The following ROBO1 variants were observed in gnomAD, a reference collection of about 807,000 sequenced individuals.
ROBO1 encodes the protein roundabout homolog 1.
In ROBO1, 149 loss-of-function variants were observed where a neutral mutation model predicts 195.9. The ratio of observed to expected loss-of-function variants is 0.76; its 90% confidence interval spans 0.67 to 0.87. ROBO1 has a LOEUF of 0.87. ROBO1 is among the 40% of genes least tolerant of loss of function. The pLI is 0.00. For missense variants in ROBO1, 1,933 were observed against 2,068.3 expected, an observed-to-expected ratio of 0.93 and a Z score of 1.27; for synonymous variants, 816 against 733.2, an observed-to-expected ratio of 1.11 and a Z score of -1.82.
intron 2 of ROBO1, among the ~76,000 whole-genome samples, chr3:79,536,707 G>C (rs140017490): frequency 1.3e-5 from 2 of 152,102 alleles, no homozygotes; most frequent in East Asian, 3.9e-4. Context: ...TTTCTCAGTT[G>C]CTGCAAATAA....
chr3:78,798,566 T>C (rs1322210004), intron 4 of ROBO1, among the ~76,000 whole-genome samples: 1 of 152,220 alleles, frequency 6.6e-6, no homozygotes, highest in Non-Finnish European at 1.5e-5. Context: ...TGCACACACA[T>C]CTTTTTATTA....
intron 4 of ROBO1, 113 bp from the exon 5 acceptor site, chr3:78,747,013 T>G: frequency 6.5e-5 from 38 of 580,342 alleles, no homozygotes; most frequent in Non-Finnish European, 8.9e-5. Flanking sequence ...CTAATAGCTC[T>G]TGCAATACAG....
chr3:78,665,215 A>G (rs1311924370), intron 14 of ROBO1, among the ~76,000 whole-genome samples: 1 of 152,216 alleles, frequency 6.6e-6, no homozygotes, highest in Non-Finnish European at 1.5e-5. Flanking sequence ...TGAACTGAAT[A>G]GTTCTAAGTA....
At chr3:79,341,580 G>C (rs1404754037) in intron 2 of ROBO1, among the ~76,000 whole-genome samples, 1 of 151,874 alleles carries the variant, frequency 6.6e-6, no homozygotes, top group Non-Finnish European at 1.5e-5. Context: ...CTGGCCTCAA[G>C]CAATCCTCCC....
At chr3:79,082,206 T>C (rs890503161) in intron 3 of ROBO1, among the ~76,000 whole-genome samples, 1 of 152,120 alleles carries the variant, frequency 6.6e-6, no homozygotes, top group Admixed American at 6.5e-5. Context: ...CTAGAAGAAA[T>C]AACTGTTCTA....
intron 2 of ROBO1, among the ~76,000 whole-genome samples, chr3:79,519,865 A>G (rs1017100706): frequency 6.6e-6 from 1 of 152,040 alleles, no homozygotes; most frequent in Non-Finnish European, 1.5e-5. Context: ...AACTTCAATT[A>G]AGAGACCTTG....
At chr3:79,065,248 A>C (rs1186939674) in intron 3 of ROBO1, among the ~76,000 whole-genome samples, 1 of 152,024 alleles carries the variant, frequency 6.6e-6, no homozygotes, top group Non-Finnish European at 1.5e-5. Context: ...GGTACAAAGC[A>C]TATTAGCATT....
intron 4 of ROBO1, among the ~76,000 whole-genome samples, chr3:78,884,575 AAGAG>A (rs2107291572): frequency 1.3e-5 from 2 of 150,750 alleles, no homozygotes; most frequent in East Asian, 3.9e-4. Context: ...GAGAGAAAGA[AAGAG>A]AGAAAGGGAG....
chr3:79,762,808 T>C (rs1704783868), intron 1 of ROBO1, among the ~76,000 whole-genome samples: 2 of 152,264 alleles, frequency 1.3e-5, no homozygotes, highest in Non-Finnish European at 1.5e-5. Context: ...CTCGCCAAAC[T>C]TGTTGCACAT....
At chr3:79,106,141 C>A (rs887028978) in intron 3 of ROBO1, among the ~76,000 whole-genome samples, 4 of 151,620 alleles carry the variant, frequency 2.6e-5, no homozygotes, top group African/African-American at 9.7e-5. Context: ...ACAATGATTT[C>A]TTTTTAAACA....
Position 79,015,176 on chromosome 3 carries a change from T to C in ROBO1, c.173-76249A>G, listed in dbSNP as rs1576568321. On this transcript the variant is annotated intron_variant, in intron 3 of 30. Coordinates refer to ENST00000464233, the MANE Select transcript of ROBO1 (RefSeq NM_002941.4). ...CAAGAAATAAAGATATTTTAAAAGA[T>C]ATCACAGTATTCAAGTATGTACATT... Among the ~76,000 whole-genome samples the C allele has an allele frequency of 3.3e-5, 5 of 152,216 alleles. No homozygotes were observed. In the Middle Eastern group the frequency reaches 0.01, roughly 311 times the overall value.
intron 2 of ROBO1, among the ~76,000 whole-genome samples, chr3:79,423,924 C>T (rs1334635884): frequency 4.6e-5 from 7 of 151,906 alleles, no homozygotes; most frequent in African/African-American, 7.3e-5. Context: ...CCCATATTAA[C>T]ATACAGTTAT....
intron 17 of ROBO1, among the ~76,000 whole-genome samples, chr3:78,658,762 A>G (rs1707197242): frequency 6.6e-6 from 1 of 152,230 alleles, no homozygotes; most frequent in Non-Finnish European, 1.5e-5. Flanking sequence ...GTTTCAATAC[A>G]TAACACCAAG....
intron 3 of ROBO1, among the ~76,000 whole-genome samples, chr3:79,086,145 A>G (rs1056771348): frequency 6.6e-6 from 1 of 151,320 alleles, no homozygotes; most frequent in African/African-American, 2.4e-5. Context: ...GTGGAATTTT[A>G]TCTAGGTACA....
At chr3:79,173,264 C>T (rs2081198454) in intron 2 of ROBO1, among the ~76,000 whole-genome samples, 1 of 152,198 alleles carries the variant, frequency 6.6e-6, no homozygotes, top group Non-Finnish European at 1.5e-5. Context: ...CAGCCCACCG[C>T]TGCACTGTGG....
intron 21 of ROBO1, among the ~76,000 whole-genome samples, chr3:78,645,022 T>A (rs1303214267): frequency 6.6e-6 from 1 of 152,154 alleles, no homozygotes; most frequent in African/African-American, 2.4e-5. Flanking sequence ...TTCCCCTGGA[T>A]GCACAAACAT....
At chr3:79,172,768 A>G (rs1278796431) in intron 2 of ROBO1, among the ~76,000 whole-genome samples, 1 of 152,050 alleles carries the variant, frequency 6.6e-6, no homozygotes, top group Non-Finnish European at 1.5e-5. Context: ...AGGATATGTC[A>G]TACATTTAAG....
intron 2 of ROBO1, among the ~76,000 whole-genome samples, chr3:79,302,601 G>A (rs1033227396): frequency 3.3e-5 from 5 of 152,200 alleles, no homozygotes; most frequent in African/African-American, 1.2e-4. Flanking sequence ...TGACTTAATT[G>A]ATGAAACACA....
At chr3:78,715,032 G>C (rs1003909204) in intron 7 of ROBO1, 1 of 152,250 alleles carries the variant, frequency 6.6e-6, no homozygotes, top group Non-Finnish European at 1.5e-5. Flanking sequence ...GAGTTTACTT[G>C]TCTTGCCTCA....
Sources: gnomAD v4.1 joint callset for allele counts (sites outside exome capture counted in the v4.1 genomes callset) on GRCh38, gnomAD v4.1.1 for gene constraint, MANE v1.5 for transcripts, NCBI Gene and HGNC (gene_info 2026-07-23, HGNC 2026-07-21) for gene names.